Variants in MRPL39 observed in about 807,000 individuals in gnomAD.
MRPL39 encodes large ribosomal subunit protein mL39.
A neutral mutation model predicts 44.5 loss-of-function variants in MRPL39; 35 were observed. That is an observed-to-expected ratio of 0.79 (90% CI 0.60 to 1.04). The LOEUF (loss-of-function observed/expected upper bound fraction) is 1.04. Ranked by LOEUF, MRPL39 falls within the 50% of genes least tolerant of loss-of-function variation. The pLI, the probability that MRPL39 is intolerant of heterozygous loss-of-function variation, is 0.00. For synonymous variants in MRPL39, 139 were observed against 136.1 expected (o/e 1.02, Z -0.15); for missense variants, 433 against 413.5 (o/e 1.05, Z -0.41).
At chr21:25,605,723 C>T (rs1319213599) in intron 2 of MRPL39, among the ~76,000 whole-genome samples, 1 of 152,074 alleles carries the variant, frequency 6.6e-6, no homozygotes, top group South Asian at 2.1e-4. Context: ...CTGGGCACCA[C>T]AGCCACCCTC....
chr21:25,592,079 G>A lies in MRPL39; in HGVS notation c.921+733C>T, dbSNP rs143525913. On this transcript the variant is annotated intron_variant, in intron 8 of 9. Transcript: ENST00000352957. ...TGCCAATCCCAAAAAATTACATACC[G>A]TTTGATCCCATTCATACAATATTCT... Among the ~76,000 whole-genome samples the A allele has an allele frequency of 5.9e-5, 9 of 152,224 alleles. No homozygotes were observed. In the East Asian group the frequency reaches 7.7e-4, roughly 13 times the overall value.
At chr21:25,604,748 T>G (rs1350151899) in intron 2 of MRPL39, among the ~76,000 whole-genome samples, 1 of 152,218 alleles carries the variant, frequency 6.6e-6, no homozygotes, top group Non-Finnish European at 1.5e-5. Flanking sequence ...TATCAACCAC[T>G]ACATAAACCC....
intron 8 of MRPL39, among the ~76,000 whole-genome samples, chr21:25,591,691 G>A (rs1162281116): frequency 2.6e-5 from 4 of 151,874 alleles, no homozygotes; most frequent in African/African-American, 9.7e-5. Flanking sequence ...ATGCTAGTGA[G>A]GATGTGGAAA....
In MRPL39 at chr21:25,591,921, T is replaced by G. The variant is rs2031190747; in HGVS notation, c.921+891A>C. Among the ~76,000 whole-genome samples, 3 of 152,218 alleles carry G rather than the reference T, an allele frequency of 2.0e-5. 1 individual carries two copies. ...GACTGAAAATAACTCAGATGTCCTTTGATGGATGAATGGTTAAACAAACCA... is the reference window on the plus strand; with the variant it reads ...GACTGAAAATAACTCAGATGTCCTTGGATGGATGAATGGTTAAACAAACCA... On this transcript the variant is annotated intron_variant, in intron 8 of 9. Coordinates refer to ENST00000352957, the MANE Select transcript of MRPL39 (RefSeq NM_017446.4).
At chr21:25,587,598 G>A in intron 9 of MRPL39, 2 of 980,476 alleles carry the variant, frequency 2.0e-6, no homozygotes, top group Non-Finnish European at 3.1e-6. Context: ...AGGCTTAACA[G>A]ACAGAAAATA....
At chr21:25,596,666 ACT>A (rs952006644) in intron 6 of MRPL39, among the ~76,000 whole-genome samples, 2 of 50,168 alleles carry the variant, frequency 4.0e-5, no homozygotes, top group Non-Finnish European at 9.1e-5. Context: ...TTGGCTTCAG[ACT>A]CTGTTATTTT....
chr21:25,586,660 T>C (rs543167151), intron 9 of MRPL39, among the ~76,000 whole-genome samples: 51 of 152,352 alleles, frequency 3.3e-4, no homozygotes, highest in South Asian at 6.2e-4. Flanking sequence ...ATGTGACCTG[T>C]ACATTCAAAT....
intron 3 of MRPL39, 121 bp downstream of exon 3, chr21:25,603,675 A>G (rs1256879569): frequency 4.8e-6 from 5 of 1,032,720 alleles, no homozygotes; most frequent in Non-Finnish European, 6.9e-6. Flanking sequence ...ACATTGACTA[A>G]AGAGTACGAT....
chr21:25,605,286 A>C lies in MRPL39; in HGVS notation c.280+1163T>G, dbSNP rs11087967. Among the ~76,000 whole-genome samples the C allele has an allele frequency of 1.2e-3, 178 of 152,320 alleles. 5 individuals carry two copies. The East Asian group carries it at 0.03, about 26-fold the overall frequency. On this transcript the variant is annotated intron_variant, in intron 2 of 9. Transcript: ENST00000352957. ...TACTATCAAAACATTTTGATCAAAA[A>C]TAAAATATAGAAGTTCTTATTCCCT...
At chr21:25,607,331 G>T in intron 1 of MRPL39, 72 bp downstream of exon 1, 1 of 1,553,762 alleles carries the variant, frequency 6.4e-7, no homozygotes, top group Non-Finnish European at 8.8e-7. Flanking sequence ...CCCCGGCCCC[G>T]CCTCAGACCC....
intron 2 of MRPL39, among the ~76,000 whole-genome samples, chr21:25,605,859 C>G (rs2123260763): frequency 6.6e-6 from 1 of 152,270 alleles, no homozygotes; most frequent in Middle Eastern, 3.4e-3. Context: ...AGCCTGGGAG[C>G]AGGGCCAGAC....
intron 3 of MRPL39, among the ~76,000 whole-genome samples, chr21:25,601,775 AAAGTT>A (rs2031533006): frequency 6.6e-6 from 1 of 152,242 alleles, no homozygotes; most frequent in African/African-American, 2.4e-5. Context: ...AACCCACGAT[AAAGTT>A]AACTTGTTAA....
chr21:25,597,381 C>T lies in MRPL39; in HGVS notation c.622G>A (p.Ala208Thr). Residue 208 changes from alanine to threonine, a missense_variant, in exon 6 of 10, where the codon GCT (alanine) becomes ACT (threonine). Physicochemically the swap from Ala to Thr is moderately conservative, Grantham distance 58. Transcript: ENST00000352957. ...NLRSFTKDAHALIYKDLPFET... is the reference protein window; with the variant it reads ...NLRSFTKDAHTLIYKDLPFET... ...AATGGAAGATCTTTATAAATTAAAGCATGAGCATCTTTTGTGAAGGAACGT... is the reference window on the plus strand; with the variant it reads ...AATGGAAGATCTTTATAAATTAAAGTATGAGCATCTTTTGTGAAGGAACGT... The T allele has an allele frequency of 6.3e-7, 1 of 1,596,898 alleles. No individual in the cohort carries two copies. Among genetic ancestry groups the T allele is most frequent in the South Asian group, 1.1e-5 (1 of 89,716 alleles).
intron 7 of MRPL39, among the ~76,000 whole-genome samples, chr21:25,593,432 T>C (rs1363043884): frequency 1.3e-5 from 2 of 152,228 alleles, no homozygotes; most frequent in Non-Finnish European, 1.5e-5. Flanking sequence ...CAGAATGCAT[T>C]GTCTTGGGAC....
At chr21:25,607,270 C>A (rs2031710035) in intron 1 of MRPL39, 133 bp downstream of exon 1, 2 of 952,790 alleles carry the variant, frequency 2.1e-6, no homozygotes, top group African/African-American at 1.6e-5. Flanking sequence ...CAAGAGCGAC[C>A]GCCGCGGAGG....
chr21:25,601,070 T>G (rs1269083708), intron 4 of MRPL39, among the ~76,000 whole-genome samples: 4 of 149,506 alleles, frequency 2.7e-5, no homozygotes, highest in African/African-American at 1.0e-4. Flanking sequence ...ATCACGCCAC[T>G]GCACTCCAGC....
At chr21:25,597,063 T>C (rs1293956267) in intron 6 of MRPL39, among the ~76,000 whole-genome samples, 1 of 152,184 alleles carries the variant, frequency 6.6e-6, no homozygotes, top group Non-Finnish European at 1.5e-5. Flanking sequence ...CATGCCACTA[T>C]GTTGATATAA....
intron 1 of MRPL39, 89 bp from the exon 2 acceptor site, chr21:25,606,744 G>T: frequency 1.0e-6 from 1 of 994,988 alleles, no homozygotes; most frequent in Non-Finnish European, 1.5e-6. Flanking sequence ...AAACCAATTT[G>T]TAATATTAAC....
chr21:25,591,095 A>C (rs113796459), intron 8 of MRPL39, among the ~76,000 whole-genome samples: 2 of 151,734 alleles, frequency 1.3e-5, no homozygotes, highest in Non-Finnish European at 1.5e-5. Context: ...AAAAAAAAAA[A>C]AAAAAAAACC....
Sources: gnomAD v4.1 joint callset for allele counts (sites outside exome capture counted in the v4.1 genomes callset) on GRCh38, gnomAD v4.1.1 for gene constraint, MANE v1.5 for transcripts, NCBI Gene and HGNC (gene_info 2026-07-23, HGNC 2026-07-21) for gene names.